Variants in YTHDC2 observed in about 807,000 individuals in gnomAD.
YTHDC2 encodes 3'-5' RNA helicase YTHDC2.
In YTHDC2, 45 loss-of-function variants were observed where a neutral mutation model predicts 174.9. That is an observed-to-expected ratio of 0.26 (90% CI 0.20 to 0.33). The LOEUF (loss-of-function observed/expected upper bound fraction) is 0.33, where lower values mean the gene tolerates loss of function less well. Ranked by LOEUF, YTHDC2 falls within the 10% of genes least tolerant of loss-of-function variation. YTHDC2 has a pLI of 1.00. For missense variants in YTHDC2, 1,650 were observed against 1,723.7 expected (o/e 0.96, Z 0.76); for synonymous variants, 657 against 574.5 (o/e 1.14, Z -2.05).
chr5:113,581,009 A>C (rs1478084325), intron 24 of YTHDC2, among the ~76,000 whole-genome samples: 1 of 152,130 alleles, frequency 6.6e-6, no homozygotes, highest in Non-Finnish European at 1.5e-5. Flanking sequence ...TCATTTAGGA[A>C]CTGGTGACTT....
intron 2 of YTHDC2, among the ~76,000 whole-genome samples, chr5:113,522,141 G>GTTT (rs397883128): frequency 1.5e-5 from 2 of 131,138 alleles, no homozygotes; most frequent in African/African-American, 2.9e-5. Context: ...TTTGTTTTTT[G>GTTT]TTTTTTTTTT....
chr5:113,533,346 C>T (rs1774820559), intron 5 of YTHDC2, among the ~76,000 whole-genome samples: 1 of 151,826 alleles, frequency 6.6e-6, no homozygotes, highest in Admixed American at 6.6e-5. Flanking sequence ...AGTTCGAGAC[C>T]AGCCTGACCA....
At chr5:113,555,334 C>T (rs1776531587) in intron 16 of YTHDC2, among the ~76,000 whole-genome samples, 1 of 125,042 alleles carries the variant, frequency 8.0e-6, no homozygotes, top group Non-Finnish European at 1.9e-5. Context: ...AACTATTATG[C>T]AAACATTTTT....
At position 113,553,570 on chromosome 5, in the gene YTHDC2, AAAAGTC is replaced by A. The variant is rs1326281533; in HGVS notation, c.1868-18_1868-13del. ...TGATTCACAATGAGATTTAATATTA[AAAAGTC>A]ATTCTTCTCCAAGGTGCAGTACTAA... On this transcript the variant is annotated splice_polypyrimidine_tract_variant and intron_variant, in intron 13 of 29. Coordinates refer to ENST00000161863, the MANE Select transcript of YTHDC2 (RefSeq NM_022828.5). The A allele has an allele frequency of 6.2e-7, 1 of 1,609,004 alleles. No individual in the cohort carries two copies. Among genetic ancestry groups the A allele is most frequent in the South Asian group, 1.1e-5 (1 of 90,380 alleles).
chr5:113,563,100 G>GT (rs1268013644), intron 18 of YTHDC2, among the ~76,000 whole-genome samples: 6 of 151,322 alleles, frequency 4.0e-5, no homozygotes, highest in Admixed American at 1.3e-4. Context: ...GACTATGAAT[G>GT]TTATGTATAC....
rs531120553 is a variant in YTHDC2, at chr5:113,589,109, T to C, written c.3826-1932T>C. ...TACTAATCTTGTGCTCATTATACTT[T>C]TATGTTAATACGAATGTCCATTTTG... is the stretch of plus-strand genomic sequence containing the variant. On this transcript the variant is annotated intron_variant, in intron 26 of 29. Coordinates refer to ENST00000161863, the MANE Select transcript of YTHDC2 (RefSeq NM_022828.5). Among the ~76,000 whole-genome samples, 3 of 152,042 alleles carry C rather than the reference T, an allele frequency of 2.0e-5. No individual in the cohort carries two copies. The East Asian group carries it at 5.8e-4, about 29-fold the overall frequency.
chr5:113,516,752 A>G (rs1580462152), intron 2 of YTHDC2, among the ~76,000 whole-genome samples: 1 of 152,326 alleles, frequency 6.6e-6, no homozygotes, highest in Non-Finnish European at 1.5e-5. Context: ...GAAGAGGGAA[A>G]ACAAAACTTT....
intron 26 of YTHDC2, 48 bp downstream of exon 26, chr5:113,584,527 A>G (rs755504088): frequency 1.4e-6 from 2 of 1,426,622 alleles, no homozygotes; most frequent in Non-Finnish European, 1.9e-6. Context: ...TTTGTAGCAC[A>G]TGTAATCCTA....
At chr5:113,563,816 C>G in intron 19 of YTHDC2, 43 bp from the exon 20 acceptor site, 1 of 1,602,226 alleles carries the variant, frequency 6.2e-7, no homozygotes, top group Admixed American at 1.7e-5. Context: ...TTTGATTAAA[C>G]AGTTTGCTCA....
chr5:113,588,186 T>C (rs1778798969), intron 26 of YTHDC2, among the ~76,000 whole-genome samples: 1 of 152,102 alleles, frequency 6.6e-6, no homozygotes, highest in East Asian at 1.9e-4. Context: ...TCAATCTGAT[T>C]GCTGTTTATT....
chr5:113,549,164 C>G (rs1350725038), intron 12 of YTHDC2, 144 bp downstream of exon 12: 1 of 631,638 alleles, frequency 1.6e-6, no homozygotes, highest in East Asian at 2.8e-5. Flanking sequence ...AATTTTCTGT[C>G]TGATCTACCA....
At chr5:113,572,208 G>A (rs1042793263) in intron 23 of YTHDC2, among the ~76,000 whole-genome samples, 6 of 152,244 alleles carry the variant, frequency 3.9e-5, no homozygotes, top group African/African-American at 1.4e-4. Flanking sequence ...CTTGATTTCT[G>A]CCTTAATTTT....
intron 2 of YTHDC2, among the ~76,000 whole-genome samples, chr5:113,520,356 A>T (rs1773779926): frequency 6.6e-6 from 1 of 152,232 alleles, no homozygotes; most frequent in Non-Finnish European, 1.5e-5. Context: ...CCTAACTCAG[A>T]TAAAGAAGAT....
At position 113,535,660 on chromosome 5, in the gene YTHDC2, G is replaced by A. The variant is rs1398753313; in HGVS notation, c.964G>A (p.Asp322Asn). 41 of 1,612,902 alleles carry A rather than the reference G, an allele frequency of 2.5e-5. No individual in the cohort carries two copies. Among genetic ancestry groups the A allele is most frequent in the Non-Finnish European group, 1.6e-5 (19 of 1,179,604 alleles). The change falls in exon 7 of 30, where the codon GAT (aspartate) becomes AAT (asparagine). Residue 322 changes from aspartate (D) to asparagine (N), a missense_variant. Asp to Asn is a conservative substitution (Grantham distance 23). Transcript: ENST00000161863. ...HVIVDEVHER[D>N]RFSDFLLTKL... Reference sequence around the variant, plus strand: ...ACTATAGGATGAAGTGCATGAAAGGGATCGATTTAGTGATTTTTTACTTAC... The same window carrying A: ...ACTATAGGATGAAGTGCATGAAAGGAATCGATTTAGTGATTTTTTACTTAC...
chr5:113,559,074 G>T (rs997310016), intron 17 of YTHDC2, among the ~76,000 whole-genome samples: 1 of 152,108 alleles, frequency 6.6e-6, no homozygotes, highest in African/African-American at 2.4e-5. Flanking sequence ...TGTAAGAAGA[G>T]CAGATGGCTA....
chr5:113,524,926 A>C, intron 2 of YTHDC2, 55 bp from the exon 3 acceptor site: 1 of 1,311,380 alleles, frequency 7.6e-7, no homozygotes, highest in South Asian at 1.5e-5. Flanking sequence ...GGCATACATC[A>C]TATGTGAACA....
chr5:113,548,415 G>T lies in YTHDC2; in HGVS notation c.1496-126G>T, dbSNP rs941934747. On this transcript the variant is annotated intron_variant, in intron 10 of 29. Transcript: ENST00000161863. ...GGTTATGTAGTGCTGTCATTATGTA[G>T]TTAAGGAGCAACTCTCAGGCTAATT... 1.6e-5 allele frequency: 14 copies of T among 862,406 alleles called. No individual in the cohort carries two copies. In the African/African-American group the frequency reaches 2.1e-4, roughly 13 times the overall value. 53.4% of individuals were successfully genotyped at this position (862,406 alleles called of 1,614,324 possible).
intron 12 of YTHDC2, among the ~76,000 whole-genome samples, chr5:113,552,417 G>A (rs539274134): frequency 3.9e-4 from 60 of 152,086 alleles, no homozygotes; most frequent in African/African-American, 1.4e-3. Context: ...GTCTATTTTG[G>A]ACATTTTATA....
intron 4 of YTHDC2, among the ~76,000 whole-genome samples, chr5:113,529,226 T>G (rs1774489101): frequency 1.3e-5 from 2 of 152,200 alleles, no homozygotes; most frequent in African/African-American, 4.8e-5. Flanking sequence ...CATGGAGGTT[T>G]TATCTTTTTA....
Sources: gnomAD v4.1 joint callset for allele counts (sites outside exome capture counted in the v4.1 genomes callset) on GRCh38, gnomAD v4.1.1 for gene constraint, MANE v1.5 for transcripts, NCBI Gene and HGNC (gene_info 2026-07-23, HGNC 2026-07-21) for gene names.